The following MEFV variants were observed in gnomAD, a reference collection of about 807,000 sequenced individuals.
MEFV encodes MEFV innate immunity regulator, pyrin.
Under a neutral mutation model 62.5 loss-of-function variants are expected in MEFV, and 60 were observed. That is an observed-to-expected ratio of 0.96 (90% CI 0.78 to 1.19). MEFV has a LOEUF of 1.19. Ranked by LOEUF, MEFV falls within the 50% of genes most tolerant of loss-of-function variation. The pLI, the probability that MEFV is intolerant of heterozygous loss-of-function variation, is 0.00. For synonymous variants in MEFV, 500 were observed against 415.2 expected (o/e 1.20, Z -2.48); for missense variants, 1,169 against 1,004.5 (o/e 1.16, Z -2.21).
chr16:3,254,730 T>C lies in MEFV; in HGVS notation c.338A>G (p.Asn113Ser), dbSNP rs1567237774. 6.2e-7 allele frequency: 1 copy of C among 1,612,882 alleles called. No individual in the cohort carries two copies. Among genetic ancestry groups the C allele is most frequent in the Non-Finnish European group, 8.5e-7 (1 of 1,180,010 alleles). ...TGGAGTCTTCAGGCTCCTGGGCTTG[T>C]TCTCCCCCAGGGAGCTGGACGCTGC... ...DSAASSSLGE[N>S]KPRSLKTPDH... The change falls in exon 2 of 10, where the codon AAC (asparagine) becomes AGC (serine). Residue 113 changes from asparagine to serine, a missense_variant. By Grantham distance (46) the Asn-to-Ser change is conservative. Transcript: ENST00000219596.
At chr16:3,248,662 C>T in intron 4 of MEFV, 3 of 1,228,082 alleles carry the variant, frequency 2.4e-6, no homozygotes, top group Non-Finnish European at 3.2e-6. Flanking sequence ...GCATAGGTTG[C>T]TCTCTACCAT....
chr16:3,250,636 G>C (rs965213579), intron 2 of MEFV, among the ~76,000 whole-genome samples: 1 of 151,690 alleles, frequency 6.6e-6, no homozygotes, highest in African/African-American at 2.4e-5. Flanking sequence ...GCTAAAGACT[G>C]GAACTCATCA....
At chr16:3,251,318 A>C (rs1959029110) in intron 2 of MEFV, among the ~76,000 whole-genome samples, 1 of 152,172 alleles carries the variant, frequency 6.6e-6, no homozygotes, top group Non-Finnish European at 1.5e-5. Context: ...GAGGTGTCAC[A>C]AGCAGCTTCT....
rs762535762 is a variant in MEFV at position 3,254,786 on chromosome 16, A to G, written c.282T>C (p.Tyr94=). 1 of 1,611,602 alleles carries G rather than the reference A, an allele frequency of 6.2e-7. No individual in the cohort carries two copies. The highest frequency in any genetic ancestry group is 8.5e-7 in the Non-Finnish European group (1 of 1,180,008). ...EELHRAAIQE[Y]STQENGTDDS... is the part of the protein sequence containing the mutation. ...CATCTGTGCCGTTTTCTTGTGTGGA[A>G]TATTCTGGAAGGACAACCAGATGCA... Residue 94 remains tyrosine (Y), a synonymous_variant, in exon 2 of 10, where the codon TAT becomes TAC. Coordinates refer to ENST00000219596, the MANE Select transcript of MEFV (RefSeq NM_000243.3).
At chr16:3,246,132 C>G (rs11466036) in intron 6 of MEFV, among the ~76,000 whole-genome samples, 2 of 152,202 alleles carry the variant, frequency 1.3e-5, no homozygotes, top group Admixed American at 6.5e-5. Flanking sequence ...CCTTCCCTCC[C>G]CTCCCCTTCC....
chr16:3,256,215 CCAGGT>C, intron 1 of MEFV, 91 bp downstream of exon 1: 1 of 1,428,704 alleles, frequency 7.0e-7, no homozygotes, highest in Admixed American at 1.9e-5. Context: ...CTCCCAATCC[CCAGGT>C]CAGAGTGAGC....
At chr16:3,248,823 A>C in intron 4 of MEFV, 86 bp downstream of exon 4, 1 of 1,606,190 alleles carries the variant, frequency 6.2e-7, no homozygotes, top group South Asian at 1.1e-5. Context: ...TGCCCTGTGA[A>C]CCACAGCAGA....
intron 6 of MEFV, among the ~76,000 whole-genome samples, chr16:3,244,967 A>G (rs1236748524): frequency 6.6e-6 from 1 of 152,226 alleles, no homozygotes; most frequent in Non-Finnish European, 1.5e-5. Context: ...CATCCATTAG[A>G]ATGGCTATTA....
rs766622362 is a variant in MEFV at position 3,243,081 on chromosome 16, A to G, written c.*60T>C. On this transcript the variant is annotated 3_prime_UTR_variant, in exon 10 of 10. Transcript: ENST00000219596. Reference sequence around the variant, plus strand: ...AGCACCTAGTCGGCATTCCGTGACTATTGAGTGTGAATGCAAGATACAAGG... The same window carrying G: ...AGCACCTAGTCGGCATTCCGTGACTGTTGAGTGTGAATGCAAGATACAAGG... 59 of 1,575,090 alleles carry G rather than the reference A, an allele frequency of 3.7e-5. No individual in the cohort carries two copies. The highest frequency in any genetic ancestry group is 4.9e-5 in the Non-Finnish European group (56 of 1,147,022).
rs530862662 is a variant in MEFV at position 3,252,264 on chromosome 16, T to A, written c.910+1894A>T. Among the ~76,000 whole-genome samples the A allele has an allele frequency of 8.0e-4, 118 of 147,074 alleles. 1 individual carries two copies. In the South Asian group the frequency reaches 0.025, roughly 32 times the overall value. ...TCCCAGGTCTCAGGGGTCCCTGGAC[T>A]CCCAATTCTTTTTTTTTTTTTTTTT... is the stretch of plus-strand genomic sequence containing the variant. On this transcript the variant is annotated intron_variant, in intron 2 of 9. Transcript: ENST00000219596.
chr16:3,250,927 G>C (rs555267749), intron 2 of MEFV, among the ~76,000 whole-genome samples: 1 of 150,700 alleles, frequency 6.6e-6, no homozygotes, highest in Non-Finnish European at 1.5e-5. Flanking sequence ...GGGAGGCTGA[G>C]GCAGGAGAAT....
intron 4 of MEFV, chr16:3,248,614 C>T: frequency 2.9e-6 from 2 of 687,738 alleles, no homozygotes; most frequent in South Asian, 2.1e-5. Flanking sequence ...GCGTTCTCCT[C>T]CCTTTTCCTC....
At chr16:3,247,433 G>A in intron 4 of MEFV, 187 bp from the exon 5 acceptor site, 1 of 606,216 alleles carries the variant, frequency 1.6e-6, no homozygotes, top group South Asian at 2.0e-5. Context: ...GAGCATGGCT[G>A]GGGCTAGCTC....
chr16:3,243,265 T>C lies in MEFV; in HGVS notation c.2222A>G (p.Tyr741Cys), dbSNP rs777833894. ...AGAGAAAGAGCAGCTGGCGAATGTA[T>C]AGATGTGGGATCTGGCTGTCACATT... ...FYNVTARSHI[Y>C]TFASCSFSGP... The change falls in exon 10 of 10, where the codon TAT becomes TGT. Residue 741 changes from tyrosine to cysteine, a missense_variant. Transcript: ENST00000219596. 9.9e-6 allele frequency: 16 copies of C among 1,614,066 alleles called. No homozygotes were observed. Among genetic ancestry groups the C allele is most frequent in the Admixed American group, 8.3e-5 (5 of 59,998 alleles).
chr16:3,244,475 G>A lies in MEFV; in HGVS notation c.1724C>T (p.Ser575Leu). The A allele has an allele frequency of 6.2e-7, 1 of 1,613,372 alleles. No homozygotes were observed. Among genetic ancestry groups the A allele is most frequent in the Non-Finnish European group, 8.5e-7 (1 of 1,179,368 alleles). ...EFVEKSTKYF[S>L]ETLRSEMEMF... Reference sequence around the variant, plus strand: ...AATCTTCTCCCAAGCCCATCTACCTGAGAAGTACTTTGTGCTCTTCTCCAC... The same window carrying A: ...AATCTTCTCCCAAGCCCATCTACCTAAGAAGTACTTTGTGCTCTTCTCCAC... The change falls in exon 7 of 10, where the codon TCA becomes TTA. Residue 575 changes from serine to leucine, a missense_variant and splice_region_variant. Transcript: ENST00000219596.
At position 3,243,412 on chromosome 16, in the gene MEFV, A is replaced by G. The variant is rs2141664872; in HGVS notation, c.2075T>C (p.Ile692Thr). The change falls in exon 10 of 10, where the codon ATA becomes ACA. Residue 692 changes from isoleucine (I) to threonine (T), a missense_variant. Coordinates refer to ENST00000219596, the MANE Select transcript of MEFV (RefSeq NM_000243.3). ...LSPENGYWVVIMMKENEYQAS... is the reference protein window; with the variant it reads ...LSPENGYWVVTMMKENEYQAS... ...CTGGTACTCATTTTCCTTCATCATT[A>G]TCACCACCCAGTAGCCATTCTCTGG... 6.2e-7 allele frequency: 1 copy of G among 1,614,172 alleles called. No homozygotes were observed. The highest frequency in any genetic ancestry group is 8.5e-7 in the Non-Finnish European group (1 of 1,180,026).
At chr16:3,246,154 G>T (rs1273473708) in intron 6 of MEFV, among the ~76,000 whole-genome samples, 1 of 152,120 alleles carries the variant, frequency 6.6e-6, no homozygotes, top group Non-Finnish European at 1.5e-5. Context: ...GCTGGGCTTA[G>T]CCCAGCTCCA....
At position 3,254,641 on chromosome 16, in the gene MEFV, G is replaced by T. The variant is rs771318049; in HGVS notation, c.427C>A (p.Arg143=). Residue 143 remains arginine (R), a synonymous_variant, in exon 2 of 10, where the codon CGG becomes AGG. Coordinates refer to ENST00000219596, the MANE Select transcript of MEFV (RefSeq NM_000243.3). ...CTCCCGGCCTCGGGCTGGCTGCACC[G>T]CAGGCTGGCAGCTCCGCCCCCGTAC... is the stretch of plus-strand genomic sequence containing the variant. ...RPYGGGAASL[R]CSQPEAGRGL... is the part of the protein sequence containing the mutation. 6.2e-7 allele frequency: 1 copy of T among 1,607,368 alleles called. No homozygotes were observed. Among genetic ancestry groups the T allele is most frequent in the South Asian group, 1.1e-5 (1 of 90,984 alleles).
chr16:3,248,995 G>C lies in MEFV; in HGVS notation c.1270C>G (p.Gln424Glu). 5 of 1,614,134 alleles carry C rather than the reference G, an allele frequency of 3.1e-6. No individual in the cohort carries two copies. Among genetic ancestry groups the C allele is most frequent in the Non-Finnish European group, 4.2e-6 (5 of 1,180,012 alleles). ...TTCTTCAGATGCTCCAGCTGCTTCT[G>C]AATTTTCTTCTGGAAAAACAGCACT... ...EVALEHKKKIQKQLEHLKKLR... is the reference protein window; with the variant it reads ...EVALEHKKKIEKQLEHLKKLR... The change falls in exon 4 of 10, where the codon CAG (glutamine) becomes GAG (glutamate). Residue 424 changes from glutamine (Q) to glutamate (E), a missense_variant. Transcript: ENST00000219596.
Sources: allele counts gnomAD v4.1 joint callset (sites outside exome capture counted in the v4.1 genomes callset), GRCh38; gene constraint gnomAD v4.1.1; transcripts MANE v1.5; gene names NCBI Gene and HGNC (gene_info 2026-07-23, HGNC 2026-07-21).